TTC7B: variants seen among roughly 807,000 people sequenced by gnomAD.
TTC7B encodes tetratricopeptide repeat domain 7B, also known as tetratricopeptide repeat protein 7B.
TTC7B carries 28 observed loss-of-function variants against 106.8 expected under a neutral mutation model. That is an observed-to-expected ratio of 0.26 (90% CI 0.19 to 0.36). The LOEUF is 0.36. TTC7B is among the 10% of genes least tolerant of loss of function. The pLI, the probability that TTC7B is intolerant of heterozygous loss-of-function variation, is 1.00. For synonymous variants in TTC7B, 405 were observed against 430.6 expected (o/e 0.94, Z 0.74); for missense variants, 862 against 1,076.4 (o/e 0.80, Z 2.79).
At position 90,619,615 on chromosome 14, in the gene TTC7B, G is replaced by A. The variant is rs150602750; in HGVS notation, c.1752-1570C>T. Among the ~76,000 whole-genome samples, 84 of 152,292 alleles carry A rather than the reference G, an allele frequency of 5.5e-4. 2 individuals are homozygous for A. In the East Asian group the frequency reaches 0.012, roughly 21 times the overall value. On this transcript the variant is annotated intron_variant, in intron 15 of 19. Coordinates refer to ENST00000328459, the MANE Select transcript of TTC7B (RefSeq NM_001010854.2). ...CTCCTGCTGACCGAAGGCATCCCAC[G>A]TGCCAGGCCTTGTGTTTGGCACTTC...
chr14:90,577,156 C>T lies in TTC7B; in HGVS notation c.2310+950G>A, dbSNP rs117558650. On this transcript the variant is annotated intron_variant, in intron 19 of 19. Coordinates refer to ENST00000328459, the MANE Select transcript of TTC7B (RefSeq NM_001010854.2). This position sits in a 1 kb window ranked among gnomAD's most constrained non-coding sequence, Gnocchi z 5.0. ...TATAATAAAAGGCTCTTCTTTCCTG[C>T]GGTTCATGACATCAGCGATGTCTAC... Among the ~76,000 whole-genome samples, 23 of 152,274 alleles carry T rather than the reference C, an allele frequency of 1.5e-4. No homozygotes were observed. The highest frequency in any genetic ancestry group is 5.8e-4 in the East Asian group (3 of 5,176).
At chr14:90,556,604 G>T (rs962281380) in intron 19 of TTC7B, among the ~76,000 whole-genome samples, 2 of 152,182 alleles carry the variant, frequency 1.3e-5, no homozygotes, top group African/African-American at 4.8e-5. Context: ...GAAACCAACA[G>T]CACAGAGCAG....
At chr14:90,676,846 A>T (rs549737008) in intron 8 of TTC7B, among the ~76,000 whole-genome samples, 186 bp from the exon 9 acceptor site, 1 of 152,246 alleles carries the variant, frequency 6.6e-6, no homozygotes, top group South Asian at 2.1e-4. Flanking sequence ...AACATGATAT[A>T]CGGGATGATC....
chr14:90,634,702 G>A (rs1451883396), intron 15 of TTC7B, among the ~76,000 whole-genome samples: 1 of 152,158 alleles, frequency 6.6e-6, no homozygotes, highest in Non-Finnish European at 1.5e-5. Context: ...AACCCGAGAG[G>A]CAGAGGTTGC....
At chr14:90,668,890 G>A (rs1886523249) in intron 9 of TTC7B, among the ~76,000 whole-genome samples, 2 of 140,306 alleles carry the variant, frequency 1.4e-5, no homozygotes, top group South Asian at 2.2e-4. Context: ...AACTCATATG[G>A]AATTGTAAGG....
In TTC7B at chr14:90,744,606, C is replaced by A. The variant is rs1566866939; in HGVS notation, c.576+186G>T. On this transcript the variant is annotated intron_variant, in intron 4 of 19. Transcript: ENST00000328459. ...TTACAGGTGTGAGCCACCACGCTGGCCCAACCATCTATTTTTCATAAGCTA... is the reference window on the plus strand; with the variant it reads ...TTACAGGTGTGAGCCACCACGCTGGACCAACCATCTATTTTTCATAAGCTA... Among the ~76,000 whole-genome samples the A allele has an allele frequency of 2.6e-5, 4 of 152,108 alleles. No individual in the cohort carries two copies. The South Asian group carries it at 6.2e-4, about 24-fold the overall frequency.
chr14:90,565,661 A>G lies in TTC7B; in HGVS notation c.2310+12445T>C, dbSNP rs770117141. On this transcript the variant is annotated intron_variant, in intron 19 of 19. Transcript: ENST00000328459. ...GTGATCTGCCCGCCTCGGCCTCCCA[A>G]TGTGCTGGGATTACAGGCATGAGCC... Among the ~76,000 whole-genome samples the G allele has an allele frequency of 2.3e-4, 35 of 152,088 alleles. 1 individual carries two copies. The highest frequency in any genetic ancestry group is 3.4e-3 in the Middle Eastern group (1 of 292).
Position 90,570,279 on chromosome 14 carries a change from A to G in TTC7B, c.2310+7827T>C, listed in dbSNP as rs1325321525. 1.3e-5 allele frequency among the ~76,000 whole-genome samples: 2 copies of G among 152,198 alleles called. No individual in the cohort carries two copies. The highest frequency in any genetic ancestry group is 1.3e-4 in the Admixed American group (2 of 15,288). ...ATCTCATGTCAAATCACATGGCTGC[A>G]TCATCCAATCCTGCCTCGAAGTCAT... On this transcript the variant is annotated intron_variant, in intron 19 of 19. Transcript: ENST00000328459. The surrounding 1 kb of genome is among the most constrained non-coding windows in gnomAD (Gnocchi z 4.0).
rs117017087 is a variant in TTC7B, at chr14:90,567,038, C to T, written c.2310+11068G>A. 1.3e-4 allele frequency among the ~76,000 whole-genome samples: 14 copies of T among 105,940 alleles called. 1 individual carries two copies. In the East Asian group the frequency reaches 3.4e-3, roughly 26 times the overall value. The allele number at this position is 105,940 out of a possible 152,430, so 69.5% of individuals were successfully genotyped here. ...CACTCATCAATTTGAAAGGGGAAGG[C>T]GGGGGCGGGGAGGGGTGGTCTCCAG... On this transcript the variant is annotated intron_variant, in intron 19 of 19. Transcript: ENST00000328459.
At chr14:90,649,818 T>C (rs1885638703) in intron 13 of TTC7B, among the ~76,000 whole-genome samples, 3 of 151,892 alleles carry the variant, frequency 2.0e-5, no homozygotes, top group Admixed American at 6.6e-5. Context: ...ATCCACATTA[T>C]GCAATATCTA....
intron 5 of TTC7B, among the ~76,000 whole-genome samples, chr14:90,700,562 C>G (rs1470655149): frequency 6.6e-6 from 1 of 151,724 alleles, no homozygotes; most frequent in Non-Finnish European, 1.5e-5. Flanking sequence ...ATCTTATATT[C>G]CCAGACCCCT....
intron 18 of TTC7B, among the ~76,000 whole-genome samples, chr14:90,586,193 G>A (rs1182956096): frequency 2.0e-5 from 3 of 152,170 alleles, no homozygotes; most frequent in Admixed American, 6.5e-5. Context: ...TGGCTGCCGC[G>A]ATGCCGTCTG....
chr14:90,598,837 C>T (rs969676930), intron 17 of TTC7B, among the ~76,000 whole-genome samples: 2 of 152,222 alleles, frequency 1.3e-5, no homozygotes, highest in Non-Finnish European at 2.9e-5. Context: ...GGGATCCCAG[C>T]ACCAATAATT....
intron 3 of TTC7B, among the ~76,000 whole-genome samples, chr14:90,777,693 T>C (rs1269262921): frequency 6.6e-6 from 1 of 152,118 alleles, no homozygotes; most frequent in African/African-American, 2.4e-5. Context: ...CTGAGGGACC[T>C]TGGTGAAGAA....
chr14:90,755,824 AATAG>A (rs1316072115), intron 3 of TTC7B, among the ~76,000 whole-genome samples: 2 of 152,242 alleles, frequency 1.3e-5, no homozygotes, highest in Non-Finnish European at 2.9e-5. Flanking sequence ...GAATGAGCAA[AATAG>A]CACTTGTTTC....
chr14:90,763,895 A>C (rs6575150), intron 3 of TTC7B, among the ~76,000 whole-genome samples: 41,843 of 152,154 alleles, frequency 0.28, 9,492 homozygotes, highest in African/African-American at 0.63. Flanking sequence ...ATTGTTAAGA[A>C]AGCAATACTT....
chr14:90,575,643 TG>T lies in TTC7B; in HGVS notation c.2310+2462del, dbSNP rs1566778545. On this transcript the variant is annotated intron_variant, in intron 19 of 19. Transcript: ENST00000328459. This position sits in a 1 kb window ranked among gnomAD's most constrained non-coding sequence, Gnocchi z 5.2. ...TCCCCCTGGCTGTGGGCTGGGCTCC[TG>T]GGGACAGGCTGGGGAGAACACAGGC... Among the ~76,000 whole-genome samples, 1 of 152,172 alleles carries T rather than the reference TG, an allele frequency of 6.6e-6. No individual in the cohort carries two copies. The highest frequency in any genetic ancestry group is 6.5e-5 in the Admixed American group (1 of 15,286).
At chr14:90,612,350 A>G (rs139726174) in intron 16 of TTC7B, among the ~76,000 whole-genome samples, 2 of 152,370 alleles carry the variant, frequency 1.3e-5, no homozygotes, top group East Asian at 1.9e-4. Flanking sequence ...CATTTTTCAC[A>G]TAAATACTAC....
At position 90,533,490 on chromosome 14, in the gene TTC7B, A is replaced by T. The variant is rs144018194; in HGVS notation, c.*7878T>A. 6.6e-6 allele frequency: 1 copy of T among 152,578 alleles called. No individual in the cohort carries two copies. Among genetic ancestry groups the T allele is most frequent in the East Asian group, 1.9e-4 (1 of 5,182 alleles). 9.5% of individuals were successfully genotyped at this position (152,578 alleles called of 1,614,324 possible). A position where few individuals can be genotyped will look rare whatever the true frequency, so the allele number is the denominator to read the frequency against. On this transcript the variant is annotated 3_prime_UTR_variant, in exon 20 of 20. Transcript: ENST00000328459. The stretch of plus-strand genomic sequence containing the variant: ...CCCTCGCCTGAGGATAGAAGAAAGA[A>T]GGAAAGACTTTATGGTGCACCCCGG...
Sources: gnomAD v4.1 joint callset for allele counts (sites outside exome capture counted in the v4.1 genomes callset) on GRCh38, gnomAD v4.1.1 for gene constraint, Gnocchi (gnomAD v3.1) non-coding constraint, MANE v1.5 for transcripts, NCBI Gene and HGNC (gene_info 2026-07-23, HGNC 2026-07-21) for gene names.